Variants in CSAD observed in about 807,000 individuals in gnomAD.
CSAD encodes P-selectin cytoplasmic tail-associated protein.
Under a neutral mutation model 61.5 loss-of-function variants are expected in CSAD, and 47 were observed. The ratio of observed to expected loss-of-function variants is 0.76; its 90% confidence interval spans 0.60 to 0.97. CSAD has a LOEUF of 0.97. CSAD is among the 50% of genes least tolerant of loss of function. CSAD has a pLI of 0.00. For missense variants in CSAD, 611 were observed against 643.6 expected, an observed-to-expected ratio of 0.95 and a Z score of 0.55; for synonymous variants, 245 against 252.7, an observed-to-expected ratio of 0.97 and a Z score of 0.29.
In CSAD at chr12:53,174,426, A is replaced by G. The variant is rs553844302; in HGVS notation, c.-49-656T>C. ...TGATTTTTAAGTTTATTATTTATAC[A>G]CATCTATATTTTTATAACTTTATAC... On this transcript the variant is annotated intron_variant, in intron 2 of 16. Transcript: ENST00000444623. Among the ~76,000 whole-genome samples, 14 of 152,294 alleles carry G rather than the reference A, an allele frequency of 9.2e-5. No homozygotes were observed. In the South Asian group the frequency reaches 1.4e-3, roughly 16 times the overall value.
intron 11 of CSAD, 27 bp from the exon 12 acceptor site, chr12:53,161,218 C>T: frequency 1.2e-6 from 2 of 1,614,032 alleles, no homozygotes; most frequent in Non-Finnish European, 1.7e-6. Context: ...ACAACGTGGG[C>T]CTTGGCCTTG....
At chr12:53,171,243 G>A (rs753740410) in intron 8 of CSAD, 83 bp downstream of exon 8, 83 of 1,598,472 alleles carry the variant, frequency 5.2e-5, no homozygotes, top group African/African-American at 8.0e-5. Flanking sequence ...AGGGAGGGCA[G>A]GGAGAAGACC....
intron 10 of CSAD, among the ~76,000 whole-genome samples, chr12:53,165,249 G>C (rs1394640488): frequency 6.6e-6 from 1 of 152,096 alleles, no homozygotes; most frequent in African/African-American, 2.4e-5. Context: ...GCTGAGATGG[G>C]AGAATCATTT....
In CSAD at chr12:53,160,208, C is replaced by A. The variant is rs1280447831; in HGVS notation, c.1078G>T (p.Val360Leu). ...GDKVVQCGRR[V>L]DCLKLWLMWK... ...ATGAGCCACAGCTTCAGACAGTCCA[C>A]ACGGCGGCCACACTGCACCACCTTG... Residue 360 changes from valine to leucine, a missense_variant, in exon 14 of 17, where the codon GTG (valine) becomes TTG (leucine). Transcript: ENST00000444623. The A allele has an allele frequency of 1.2e-6, 2 of 1,614,096 alleles. No individual in the cohort carries two copies. Among genetic ancestry groups the A allele is most frequent in the African/African-American group, 2.7e-5 (2 of 74,942 alleles).
At position 53,160,244 on chromosome 12, in the gene CSAD, C is replaced by T. The variant is rs967381467; in HGVS notation, c.1042G>A (p.Asp348Asn). The change falls in exon 14 of 17, where the codon GAC becomes AAC. Residue 348 changes from aspartate to asparagine, a missense_variant. Transcript: ENST00000444623. The stretch of plus-strand genomic sequence containing the variant: ...CACTGCACCACCTTGTCTCCCGTGT[C>T]CAGAGCCACATCGTAGAACTTGTCC... The part of the protein sequence containing the change: ...QQDKFYDVAL[D>N]TGDKVVQCGR... The T allele has an allele frequency of 6.2e-6, 10 of 1,614,088 alleles. No individual in the cohort carries two copies. Among genetic ancestry groups the T allele is most frequent in the Non-Finnish European group, 8.5e-6 (10 of 1,180,034 alleles).
At chr12:53,159,479 C>A (rs1345162897) in intron 16 of CSAD, 144 bp downstream of exon 16, 2 of 664,816 alleles carry the variant, frequency 3.0e-6, no homozygotes, top group Non-Finnish European at 5.3e-6. Context: ...CCCATCCCCA[C>A]CCCTACCGAA....
Position 53,180,803 on chromosome 12 carries a change from C to T in CSAD, c.-162G>A. ...GCTGGGGCCTGGAGGAGGCGCCGCG[C>T]GGCCAGGGAGCCAGCGGGAGGCCGC... is the stretch of plus-strand genomic sequence containing the variant. On this transcript the variant is annotated 5_prime_UTR_variant, in exon 1 of 17. Transcript: ENST00000444623. 7.9e-6 allele frequency: 10 copies of T among 1,271,488 alleles called. No homozygotes were observed. The highest frequency in any genetic ancestry group is 1.0e-5 in the Non-Finnish European group (10 of 981,848). 78.8% of individuals were successfully genotyped at this position (1,271,488 alleles called of 1,614,324 possible). A position where few individuals can be genotyped will look rare whatever the true frequency, so the allele number is the denominator to read the frequency against.
chr12:53,168,252 G>A (rs1940152639), intron 10 of CSAD, among the ~76,000 whole-genome samples: 1 of 152,138 alleles, frequency 6.6e-6, no homozygotes, highest in Non-Finnish European at 1.5e-5. Context: ...AGGGTATGGG[G>A]TTTCTTTAGG....
chr12:53,171,477 G>A (rs370152391), intron 7 of CSAD, 36 bp from the exon 8 acceptor site: 40 of 1,604,602 alleles, frequency 2.5e-5, no homozygotes, highest in African/African-American at 4.0e-5. Flanking sequence ...AGAGGAAGGA[G>A]CAGTGGGTCA....
At chr12:53,163,518 C>T (rs562180320) in intron 10 of CSAD, among the ~76,000 whole-genome samples, 1 of 152,224 alleles carries the variant, frequency 6.6e-6, no homozygotes, top group African/African-American at 2.4e-5. Context: ...TATCTCTATA[C>T]ACATTAGCAA....
At chr12:53,173,551 C>T (rs774937964) in intron 3 of CSAD, 75 bp from the exon 4 acceptor site, 245 of 1,610,786 alleles carry the variant, frequency 1.5e-4, no homozygotes, top group Non-Finnish European at 2.0e-4. Flanking sequence ...GCCTCCTCTC[C>T]CAAACGGGCC....
At position 53,158,619 on chromosome 12, in the gene CSAD, G is replaced by T. The variant is rs573982825; in HGVS notation, c.1374C>A (p.His458Gln). The T allele has an allele frequency of 6.2e-7, 1 of 1,614,146 alleles. No individual in the cohort carries two copies. The highest frequency in any genetic ancestry group is 1.1e-5 in the South Asian group (1 of 91,084). The change falls in exon 17 of 17, where the codon CAC (histidine) becomes CAA (glutamine). Residue 458 changes from histidine to glutamine, a missense_variant. Coordinates refer to ENST00000444623, the MANE Select transcript of CSAD (RefSeq NM_001244705.2). ...CACGGAAGAAGTTGCCCCGGGTCCC[G>T]TGGGGCTGGTAGCCAATCATCATGG... ...EGSMMIGYQP[H>Q]GTRGNFFRVV... is the part of the protein sequence containing the mutation.
At chr12:53,168,848 A>C (rs913273124) in intron 10 of CSAD, among the ~76,000 whole-genome samples, 9 of 152,208 alleles carry the variant, frequency 5.9e-5, no homozygotes, top group Non-Finnish European at 7.3e-5. Context: ...ATATACCATA[A>C]TTTATTTTGT....
At chr12:53,159,736 G>C in intron 15 of CSAD, 24 bp from the exon 16 acceptor site, 3 of 1,589,064 alleles carry the variant, frequency 1.9e-6, no homozygotes, top group Non-Finnish European at 1.7e-6. Flanking sequence ...GAAAGAGGAA[G>C]GTGTGAGCTG....
chr12:53,161,774 T>C (rs1483040710), intron 10 of CSAD, among the ~76,000 whole-genome samples: 1 of 150,896 alleles, frequency 6.6e-6, no homozygotes, highest in Non-Finnish European at 1.5e-5. Flanking sequence ...CTGGGCAAAA[T>C]AGCAAGACCC....
chr12:53,170,424 T>C lies in CSAD; in HGVS notation c.646A>G (p.Arg216Gly), dbSNP rs1447935342. ...CCATGTGGGCAGAAGGACCTTCACC[T>C]CTCATCAGCCTTGACCACTCGGACA... ...DSVRVVKADE[R>G]GKMVPEDLER... Residue 216 changes from arginine (R) to glycine (G), a missense_variant and splice_region_variant, in exon 9 of 17, where the codon AGA (arginine) becomes GGA (glycine). Transcript: ENST00000444623. The C allele has an allele frequency of 1.2e-6, 2 of 1,613,742 alleles. No homozygotes were observed. Among genetic ancestry groups the C allele is most frequent in the Non-Finnish European group, 1.7e-6 (2 of 1,179,694 alleles).
rs1222599245 is a variant in CSAD, at chr12:53,170,599, G to T, written c.568-97C>A. Reference sequence around the variant, plus strand: ...GAGCTCCAACAAATGGGATCCTGTAGACCAGGGCTTCTCAAATGTCAGCGT... The same window carrying T: ...GAGCTCCAACAAATGGGATCCTGTATACCAGGGCTTCTCAAATGTCAGCGT... On this transcript the variant is annotated intron_variant, in intron 8 of 16. Coordinates refer to ENST00000444623, the MANE Select transcript of CSAD (RefSeq NM_001244705.2). 4 of 901,066 alleles carry T rather than the reference G, an allele frequency of 4.4e-6. No homozygotes were observed. In the Admixed American group the frequency reaches 5.3e-5, roughly 12 times the overall value. 55.8% of individuals were successfully genotyped at this position (901,066 alleles called of 1,614,324 possible).
Position 53,158,534 on chromosome 12 carries a change from C to G in CSAD, c.1459G>C (p.Glu487Gln), listed in dbSNP as rs1448956104. 2 of 1,613,250 alleles carry G rather than the reference C, an allele frequency of 1.2e-6. No individual in the cohort carries two copies. The highest frequency in any genetic ancestry group is 2.7e-5 in the African/African-American group (2 of 74,324). ...GCTCACAGGTCCTGGCCTAGCCGCT[C>G]CAGCTCGTTGAGGAGGAAGTCCATA... ...ADMDFLLNEL[E>Q]RLGQDL The change falls in exon 17 of 17, where the codon GAG becomes CAG. Residue 487 changes from glutamate to glutamine, a missense_variant. Glu to Gln is a conservative substitution (Grantham distance 29). Transcript: ENST00000444623.
intron 16 of CSAD, 41 bp from the exon 17 acceptor site, chr12:53,158,725 C>A: frequency 6.3e-7 from 1 of 1,593,122 alleles, no homozygotes; most frequent in South Asian, 1.1e-5. Flanking sequence ...CAGCCTGGGT[C>A]GGCTGACAGG....
Sources: gnomAD v4.1 joint callset for allele counts (sites outside exome capture counted in the v4.1 genomes callset) on GRCh38, gnomAD v4.1.1 for gene constraint, MANE v1.5 for transcripts, NCBI Gene and HGNC (gene_info 2026-07-23, HGNC 2026-07-21) for gene names.